Variants in DNAJA1 observed in about 807,000 individuals in gnomAD.
DNAJA1 encodes the protein dnaJ homolog subfamily A member 1.
In DNAJA1, 26 loss-of-function variants were observed where a neutral mutation model predicts 47.6. The observed-to-expected ratio is 0.55, with a 90% confidence interval of 0.40 to 0.76. The LOEUF (loss-of-function observed/expected upper bound fraction) is 0.76, where lower values mean the gene tolerates loss of function less well. Among genes scored for constraint, DNAJA1 ranks in the 30% least tolerant of loss-of-function variants. The probability of loss-of-function intolerance (pLI) is 0.00; values close to 1 mark genes in which losing one functional copy is unlikely to be tolerated. For missense variants in DNAJA1, 315 were observed against 485.0 expected, an observed-to-expected ratio of 0.65 and a Z score of 3.29; for synonymous variants, 165 against 158.4, an observed-to-expected ratio of 1.04 and a Z score of -0.31.
chr9:33,037,111 T>G lies in DNAJA1; in HGVS notation c.971T>G (p.Phe324Cys). The change falls in exon 8 of 9, where the codon TTT (phenylalanine) becomes TGT (cysteine). Residue 324 changes from phenylalanine (F) to cysteine (C), a missense_variant. Coordinates refer to ENST00000330899, the MANE Select transcript of DNAJA1 (RefSeq NM_001539.4). ...GAAAAGGGTCGCCTAATCATCGAAT[T>G]TAAGGTAAGCTGTAATGTACTTTAA... ...PYEKGRLIIE[F>C]KVNFPENGFL... is the part of the protein sequence containing the mutation. 6.2e-7 allele frequency: 1 copy of G among 1,613,506 alleles called. No homozygotes were observed. Among genetic ancestry groups the G allele is most frequent in the Non-Finnish European group, 8.5e-7 (1 of 1,179,656 alleles).
chr9:33,033,212 C>T (rs1307983134), intron 5 of DNAJA1, among the ~76,000 whole-genome samples: 1 of 150,150 alleles, frequency 6.7e-6, no homozygotes, highest in Non-Finnish European at 1.5e-5. Flanking sequence ...AGAAAATACT[C>T]CTCCCCTTGT....
chr9:33,028,438 T>C (rs945008942), intron 3 of DNAJA1, among the ~76,000 whole-genome samples: 2 of 152,234 alleles, frequency 1.3e-5, no homozygotes, highest in African/African-American at 2.4e-5. Flanking sequence ...AGTTTTAGAA[T>C]GAATGGCCAA....
intron 6 of DNAJA1, chr9:33,036,150 G>T: frequency 6.6e-6 from 1 of 152,556 alleles, no homozygotes; most frequent in Non-Finnish European, 1.5e-5. Context: ...CACCATGTTG[G>T]CCAGGCTGGT....
At chr9:33,026,411 A>G in intron 1 of DNAJA1, 64 bp from the exon 2 acceptor site, 2 of 1,553,714 alleles carry the variant, frequency 1.3e-6, no homozygotes, top group South Asian at 2.4e-5. Flanking sequence ...GCTCGGCCTT[A>G]GCTCTCTTTT....
rs1839092227 is a variant in DNAJA1 at position 33,039,715 on chromosome 9, T to C, written c.*812T>C. On this transcript the variant is annotated 3_prime_UTR_variant, in exon 9 of 9. Transcript: ENST00000330899. The stretch of plus-strand genomic sequence containing the variant: ...AATATAGGAAGGTGTTCTTTAGGTA[T>C]GTTACAGGATTACTTTAAACCATTT... The C allele has an allele frequency of 6.6e-6, 1 of 151,894 alleles. No homozygotes were observed. Among genetic ancestry groups the C allele is most frequent in the South Asian group, 2.1e-4 (1 of 4,824 alleles). 9.4% of individuals were successfully genotyped at this position (151,894 alleles called of 1,614,324 possible).
chr9:33,034,149 T>C (rs1033988671), intron 5 of DNAJA1, 67 bp from the exon 6 acceptor site: 2 of 1,125,310 alleles, frequency 1.8e-6, no homozygotes, highest in Non-Finnish European at 1.3e-6. Flanking sequence ...CATCTATGTA[T>C]AGATTTTATG....
intron 6 of DNAJA1, among the ~76,000 whole-genome samples, chr9:33,034,953 G>A (rs1839011367): frequency 6.6e-6 from 1 of 151,878 alleles, no homozygotes; most frequent in Non-Finnish European, 1.5e-5. Flanking sequence ...TGGGGAGGCT[G>A]AGGCAGAAGA....
intron 5 of DNAJA1, among the ~76,000 whole-genome samples, chr9:33,033,038 A>G (rs993425672): frequency 6.6e-6 from 1 of 152,144 alleles, no homozygotes; most frequent in Non-Finnish European, 1.5e-5. Context: ...ATCAGGAGAT[A>G]ACTGCTTTGG....
chr9:33,026,790 T>C, intron 2 of DNAJA1, 23 bp from the exon 3 acceptor site: 1 of 1,601,728 alleles, frequency 6.2e-7, no homozygotes, highest in Non-Finnish European at 8.5e-7. Context: ...AAAAATGAAA[T>C]TCACTCCTCT....
At chr9:33,029,465 T>G (rs535262618) in intron 3 of DNAJA1, among the ~76,000 whole-genome samples, 1 of 152,350 alleles carries the variant, frequency 6.6e-6, no homozygotes, top group South Asian at 2.1e-4. Context: ...GCTACAGAAT[T>G]TTTGGATGAA....
At position 33,026,595 on chromosome 9, in the gene DNAJA1, G is replaced by A. The variant is rs780611715; in HGVS notation, c.111G>A (p.Lys37=). Reference sequence around the variant, plus strand: ...TGGCTTTGAAGTACCATCCTGATAAGAACCCAAATGAAGGAGAGAAGGTGA... The same window carrying A: ...TGGCTTTGAAGTACCATCCTGATAAAAACCCAAATGAAGGAGAGAAGGTGA... ...RKLALKYHPD[K]NPNEGEKFKQ... The change falls in exon 2 of 9, where the codon AAG becomes AAA. Residue 37 remains lysine (K), a synonymous_variant. Coordinates refer to ENST00000330899, the MANE Select transcript of DNAJA1 (RefSeq NM_001539.4). 16 of 1,605,468 alleles carry A rather than the reference G, an allele frequency of 1.0e-5. No homozygotes were observed. In the Admixed American group the frequency reaches 2.1e-4, roughly 21 times the overall value.
chr9:33,030,338 G>GA (rs1330987908), intron 4 of DNAJA1, 102 bp from the exon 5 acceptor site: 2 of 1,176,064 alleles, frequency 1.7e-6, no homozygotes, highest in Non-Finnish European at 1.2e-6. Flanking sequence ...ATCAGGCTTC[G>GA]AAAATATTAA....
At chr9:33,026,331 A>G in intron 1 of DNAJA1, 144 bp from the exon 2 acceptor site, 1 of 741,414 alleles carries the variant, frequency 1.3e-6, no homozygotes, top group Non-Finnish European at 2.1e-6. Flanking sequence ...GAATTATCGC[A>G]GGAATTGTTA....
chr9:33,033,927 G>A (rs1349896112), intron 5 of DNAJA1, among the ~76,000 whole-genome samples: 5 of 152,030 alleles, frequency 3.3e-5, no homozygotes, highest in Admixed American at 3.3e-4. Flanking sequence ...AGGTGTAGGT[G>A]TCTGTGGGAA....
At chr9:33,030,335 T>G in intron 4 of DNAJA1, 105 bp from the exon 5 acceptor site, 1 of 1,101,404 alleles carries the variant, frequency 9.1e-7, no homozygotes, top group Non-Finnish European at 1.3e-6. Flanking sequence ...TCCATCAGGC[T>G]TCGAAAATAT....
In DNAJA1 at chr9:33,034,209, T is replaced by C. The variant is rs572535294; in HGVS notation, c.644-7T>C. 1 of 1,569,628 alleles carries C rather than the reference T, an allele frequency of 6.4e-7. No homozygotes were observed. The highest frequency in any genetic ancestry group is 1.2e-5 in the South Asian group (1 of 84,024). On this transcript the variant is annotated splice_region_variant and splice_polypyrimidine_tract_variant and intron_variant, in intron 5 of 8. Coordinates refer to ENST00000330899, the MANE Select transcript of DNAJA1 (RefSeq NM_001539.4). Reference sequence around the variant, plus strand: ...ATAAAAGTACAAAATTAATGTTTTGTTTTTAGGCATGAAAGATGGCCAGAA... The same window carrying C: ...ATAAAAGTACAAAATTAATGTTTTGCTTTTAGGCATGAAAGATGGCCAGAA...
intron 3 of DNAJA1, 135 bp downstream of exon 3, chr9:33,027,125 A>T: frequency 4.1e-6 from 4 of 970,878 alleles, no homozygotes; most frequent in South Asian, 1.7e-5. Flanking sequence ...ATTGCCTCTG[A>T]TTTATGGTGT....
intron 7 of DNAJA1, 26 bp from the exon 8 acceptor site, chr9:33,036,985 TAAGG>T (rs771789527): frequency 1.1e-5 from 18 of 1,584,926 alleles, no homozygotes; most frequent in East Asian, 8.9e-5. Flanking sequence ...TGACCATACT[TAAGG>T]AAGAACTTGG....
chr9:33,026,904 G>C lies in DNAJA1; in HGVS notation c.224G>C (p.Gly75Ala). 6.2e-7 allele frequency: 1 copy of C among 1,614,222 alleles called. No individual in the cohort carries two copies. Among genetic ancestry groups the C allele is most frequent in the East Asian group, 2.2e-5 (1 of 44,892 alleles). The part of the protein sequence containing the change: ...DKGGEQAIKE[G>A]GAGGGFGSPM... ...GGAGGAGAACAGGCAATTAAAGAGG[G>C]TGGAGCAGGTGGCGGTTTTGGCTCC... The change falls in exon 3 of 9, where the codon GGT becomes GCT. Residue 75 changes from glycine to alanine, a missense_variant. Physicochemically the swap from Gly to Ala is moderately conservative, Grantham distance 60. Around this residue, in one of 4 missense-constraint regions of DNAJA1, gnomAD observed 100 missense variants for 163.0 expected, o/e 0.61. Transcript: ENST00000330899.
Sources: gnomAD v4.1 joint callset for allele counts (sites outside exome capture counted in the v4.1 genomes callset) on GRCh38, gnomAD v4.1.1 for gene constraint, gnomAD v4.1.1 regional missense constraint, MANE v1.5 for transcripts, NCBI Gene and HGNC (gene_info 2026-07-23, HGNC 2026-07-21) for gene names.